Variants in GPC5 observed in about 807,000 individuals in gnomAD.
GPC5 encodes the protein glypican-5.
In GPC5, 47 loss-of-function variants were observed where a neutral mutation model predicts 53.9. The observed-to-expected ratio is 0.87, with a 90% CI of 0.69 to 1.11. The LOEUF (loss-of-function observed/expected upper bound fraction) is 1.11. Ranked by LOEUF, GPC5 falls within the 50% of genes most tolerant of loss-of-function variation. GPC5 has a pLI of 0.00. For synonymous variants in GPC5, 286 were observed against 263.3 expected, an observed-to-expected ratio of 1.09 and a Z score of -0.84; for missense variants, 748 against 713.1, an observed-to-expected ratio of 1.05 and a Z score of -0.56.
At chr13:92,777,287 GATT>G (rs1875846616) in intron 7 of GPC5, among the ~76,000 whole-genome samples, 1 of 140,918 alleles carries the variant, frequency 7.1e-6, no homozygotes. Flanking sequence ...AGTGAGCCGA[GATT>G]GTGCCATTGC....
At chr13:92,004,520 A>G (rs2040589068) in intron 6 of GPC5, among the ~76,000 whole-genome samples, 1 of 137,460 alleles carries the variant, frequency 7.3e-6, no homozygotes, top group Non-Finnish European at 1.5e-5. Flanking sequence ...TGCAAAGAGT[A>G]CTTATCTACA....
At chr13:92,357,553 G>C (rs971008736) in intron 7 of GPC5, among the ~76,000 whole-genome samples, 8 of 151,510 alleles carry the variant, frequency 5.3e-5, no homozygotes, top group African/African-American at 2.0e-4. Flanking sequence ...CATTGTATTA[G>C]TCCATTCTCT....
chr13:92,691,672 A>T (rs1887404436), intron 7 of GPC5, among the ~76,000 whole-genome samples: 1 of 152,184 alleles, frequency 6.6e-6, no homozygotes, highest in Non-Finnish European at 1.5e-5. Flanking sequence ...ATGTAATTTA[A>T]TATTAAATTA....
chr13:91,797,409 C>T (rs560755370), intron 5 of GPC5, among the ~76,000 whole-genome samples: 2 of 152,174 alleles, frequency 1.3e-5, no homozygotes, highest in East Asian at 3.9e-4. Flanking sequence ...ATAGAGAACA[C>T]ACCTCCCTCC....
chr13:91,790,749 C>T (rs191728656), intron 5 of GPC5, among the ~76,000 whole-genome samples: 1 of 152,172 alleles, frequency 6.6e-6, no homozygotes, highest in Non-Finnish European at 1.5e-5. Context: ...AGTAGAATAG[C>T]CTCTTTGTGG....
At chr13:92,668,634 A>C (rs1272687780) in intron 7 of GPC5, among the ~76,000 whole-genome samples, 1 of 152,112 alleles carries the variant, frequency 6.6e-6, no homozygotes, top group Non-Finnish European at 1.5e-5. Context: ...TTTCATAGAA[A>C]AGTACTACTT....
intron 7 of GPC5, among the ~76,000 whole-genome samples, chr13:92,620,268 A>G (rs1029453972): frequency 8.5e-5 from 13 of 152,144 alleles, no homozygotes; most frequent in African/African-American, 2.9e-4. Context: ...AATACAAAGA[A>G]AAGAATAAAG....
chr13:92,702,689 A>C (rs926157612), intron 7 of GPC5, among the ~76,000 whole-genome samples: 1 of 152,090 alleles, frequency 6.6e-6, no homozygotes, highest in Non-Finnish European at 1.5e-5. Context: ...ACTTCGGTCC[A>C]TCATCGCCTA....
intron 7 of GPC5, among the ~76,000 whole-genome samples, chr13:92,491,311 G>A (rs923644328): frequency 6.6e-6 from 1 of 151,972 alleles, no homozygotes; most frequent in African/African-American, 2.4e-5. Flanking sequence ...CACAAAAATA[G>A]GGACTAATAA....
chr13:92,629,094 T>TG (rs1224297484), intron 7 of GPC5, among the ~76,000 whole-genome samples: 7 of 152,180 alleles, frequency 4.6e-5, no homozygotes, highest in Admixed American at 1.3e-4. Context: ...ATAAGTCTAT[T>TG]GGAACAACGA....
chr13:92,644,987 A>G (rs1885719642), intron 7 of GPC5, among the ~76,000 whole-genome samples: 1 of 152,140 alleles, frequency 6.6e-6, no homozygotes, highest in African/African-American at 2.4e-5. Flanking sequence ...TAGGTTTGGG[A>G]GTCCCTTTTT....
intron 5 of GPC5, among the ~76,000 whole-genome samples, chr13:91,830,927 A>G (rs1020181854): frequency 3.7e-5 from 5 of 136,012 alleles, no homozygotes; most frequent in African/African-American, 1.4e-4. Context: ...ATATCCTATT[A>G]TATATTATAT....
intron 1 of GPC5, among the ~76,000 whole-genome samples, chr13:91,428,058 C>T (rs1036813001): frequency 6.6e-6 from 1 of 152,174 alleles, no homozygotes; most frequent in Admixed American, 6.5e-5. Flanking sequence ...ACAAATTACC[C>T]AGTCTTGAGT....
intron 7 of GPC5, among the ~76,000 whole-genome samples, chr13:92,849,995 T>C (rs139586348): frequency 2.0e-5 from 3 of 152,176 alleles, no homozygotes; most frequent in Non-Finnish European, 4.4e-5. Context: ...CAGAGAGTCA[T>C]GACAAAGATT....
chr13:92,505,766 T>G (rs1284717172), intron 7 of GPC5, among the ~76,000 whole-genome samples: 2 of 152,160 alleles, frequency 1.3e-5, no homozygotes, highest in East Asian at 3.8e-4. Flanking sequence ...TATAGAATAC[T>G]ACTAAACAAT....
At chr13:91,541,790 A>G (rs1010867072) in intron 2 of GPC5, among the ~76,000 whole-genome samples, 2 of 151,924 alleles carry the variant, frequency 1.3e-5, no homozygotes, top group African/African-American at 4.8e-5. Context: ...ATAAAGAGTA[A>G]TATGTTAATA....
intron 6 of GPC5, among the ~76,000 whole-genome samples, chr13:91,973,763 C>A (rs570857063): frequency 2.0e-5 from 3 of 152,238 alleles, no homozygotes; most frequent in East Asian, 1.9e-4. Context: ...GTGTCAGCAG[C>A]GGTGGCTGCA....
intron 6 of GPC5, among the ~76,000 whole-genome samples, chr13:91,976,434 G>A (rs779184935): frequency 1.3e-5 from 2 of 152,148 alleles, no homozygotes; most frequent in African/African-American, 4.8e-5. Flanking sequence ...GCTTTAATTG[G>A]GTGCCACTGC....
chr13:91,924,939 C>T (rs1333566181), intron 6 of GPC5, among the ~76,000 whole-genome samples: 1 of 151,700 alleles, frequency 6.6e-6, no homozygotes, highest in Non-Finnish European at 1.5e-5. Context: ...CCTGCCTCAG[C>T]CTCCCTAGTA....
Sources: allele counts gnomAD v4.1 joint callset (sites outside exome capture counted in the v4.1 genomes callset), GRCh38; gene constraint gnomAD v4.1.1; transcripts MANE v1.5; gene names NCBI Gene and HGNC (gene_info 2026-07-23, HGNC 2026-07-21).